GABRA2: variants seen among roughly 807,000 people sequenced by gnomAD.
GABRA2 encodes the protein gamma-aminobutyric acid type A receptor subunit alpha2, also known as gamma-aminobutyric acid receptor subunit alpha-2.
A neutral mutation model predicts 48.7 loss-of-function variants in GABRA2; 16 were observed. The observed-to-expected ratio is 0.33, with a 90% CI of 0.22 to 0.50. The LOEUF is 0.50. GABRA2 is among the 20% of genes least tolerant of loss of function. The probability of loss-of-function intolerance (pLI) is 0.98; values close to 1 mark genes in which losing one functional copy is unlikely to be tolerated. For missense variants in GABRA2, 275 were observed against 535.6 expected (o/e 0.51, Z 4.80); for synonymous variants, 185 against 184.5 (o/e 1.00, Z -0.02).
intron 9 of GABRA2, 31 bp downstream of exon 9, chr4:46,261,895 T>C: frequency 2.6e-6 from 4 of 1,560,148 alleles, no homozygotes; most frequent in Non-Finnish European, 3.5e-6. Context: ...GGTATTTTCT[T>C]AATAATGATA....
At chr4:46,291,216 CTTG>C (rs370019983) in intron 8 of GABRA2, among the ~76,000 whole-genome samples, 176 of 152,156 alleles carry the variant, frequency 1.2e-3, no homozygotes, top group African/African-American at 2.1e-3. Context: ...TGGTTCTAGA[CTTG>C]TTGTTGTTGG....
chr4:46,271,090 T>G (rs1719240141), intron 8 of GABRA2, among the ~76,000 whole-genome samples: 1 of 151,892 alleles, frequency 6.6e-6, no homozygotes. Context: ...AATAAAACCT[T>G]CCTATGTATT....
chr4:46,365,244 A>C (rs1713859264), intron 3 of GABRA2: 1 of 152,146 alleles, frequency 6.6e-6, no homozygotes, highest in Non-Finnish European at 1.5e-5. Flanking sequence ...AAATCCAACT[A>C]TTCCTTCTCA....
intron 8 of GABRA2, among the ~76,000 whole-genome samples, chr4:46,269,644 A>C (rs2109393337): frequency 6.6e-6 from 1 of 152,062 alleles, no homozygotes; most frequent in East Asian, 1.9e-4. Flanking sequence ...ACCTACAGTT[A>C]TCATTTTGGG....
chr4:46,267,899 T>A (rs1292268690), intron 8 of GABRA2, among the ~76,000 whole-genome samples: 1 of 151,916 alleles, frequency 6.6e-6, no homozygotes, highest in Non-Finnish European at 1.5e-5. Context: ...TTTTTCAGAT[T>A]ATGGATGCTG....
chr4:46,345,290 A>T (rs561860754), intron 3 of GABRA2, among the ~76,000 whole-genome samples: 14 of 151,990 alleles, frequency 9.2e-5, no homozygotes, highest in South Asian at 8.3e-4. Context: ...TCTTTATAGC[A>T]GTGTGAAAAT....
intron 5 of GABRA2, among the ~76,000 whole-genome samples, chr4:46,310,751 T>C (rs772160472): frequency 6.6e-6 from 1 of 152,194 alleles, no homozygotes; most frequent in Admixed American, 6.5e-5. Context: ...ATACATATAG[T>C]GCTAGATATA....
At chr4:46,314,285 A>C (rs1316164362) in intron 4 of GABRA2, among the ~76,000 whole-genome samples, 1 of 152,098 alleles carries the variant, frequency 6.6e-6, no homozygotes, top group Non-Finnish European at 1.5e-5. Flanking sequence ...AAAATTAATG[A>C]ATTTTAACAC....
intron 8 of GABRA2, among the ~76,000 whole-genome samples, chr4:46,281,091 A>C (rs888093792): frequency 6.6e-6 from 1 of 152,170 alleles, no homozygotes; most frequent in Non-Finnish European, 1.5e-5. Context: ...ACAGACATGC[A>C]GTAATCCAAA....
At chr4:46,351,072 C>T (rs1156755212) in intron 3 of GABRA2, among the ~76,000 whole-genome samples, 1 of 151,624 alleles carries the variant, frequency 6.6e-6, no homozygotes, top group East Asian at 1.9e-4. Flanking sequence ...CCTTTCCTTT[C>T]TATCACTTCA....
chr4:46,334,376 T>G (rs1223428965), intron 3 of GABRA2, among the ~76,000 whole-genome samples: 1 of 152,162 alleles, frequency 6.6e-6, no homozygotes, highest in Non-Finnish European at 1.5e-5. Context: ...TTTTTTTCCT[T>G]TTACCCACAC....
At chr4:46,258,252 G>T (rs969821929) in intron 9 of GABRA2, among the ~76,000 whole-genome samples, 2 of 151,770 alleles carry the variant, frequency 1.3e-5, no homozygotes, top group Non-Finnish European at 2.9e-5. Flanking sequence ...GAAGTGATGT[G>T]TTAAACAAAA....
chr4:46,244,845 A>T lies in GABRA2; in HGVS notation c.*5463T>A, dbSNP rs1713415899. On this transcript the variant is annotated 3_prime_UTR_variant, in exon 10 of 10. Transcript: ENST00000381620. ...AAGTTAGTAAATAGCTAGCATCACA[A>T]AAACGGGTATTGCTTACTGTACAGT... Among the ~76,000 whole-genome samples the T allele has an allele frequency of 1.3e-5, 2 of 151,390 alleles. No homozygotes were observed. The highest frequency in any genetic ancestry group is 3.0e-5 in the Non-Finnish European group (2 of 67,506).
intron 4 of GABRA2, among the ~76,000 whole-genome samples, chr4:46,331,675 C>T (rs1319594409): frequency 6.6e-6 from 1 of 152,114 alleles, no homozygotes; most frequent in Non-Finnish European, 1.5e-5. Flanking sequence ...TTCCAGCCCA[C>T]CAGTACCTAA....
chr4:46,291,116 T>C (rs1049994462), intron 8 of GABRA2, among the ~76,000 whole-genome samples: 1 of 152,208 alleles, frequency 6.6e-6, no homozygotes, highest in African/African-American at 2.4e-5. Context: ...GGAAGTGTTC[T>C]TTAAACTTCG....
chr4:46,378,863 A>G (rs953071763), intron 3 of GABRA2, among the ~76,000 whole-genome samples: 1 of 151,770 alleles, frequency 6.6e-6, no homozygotes, highest in African/African-American at 2.4e-5. Context: ...TTTCTGGGCC[A>G]TGCACTTTAC....
intron 8 of GABRA2, among the ~76,000 whole-genome samples, chr4:46,268,738 C>T (rs1253669131): frequency 6.6e-6 from 1 of 151,892 alleles, no homozygotes; most frequent in Non-Finnish European, 1.5e-5. Flanking sequence ...ATCTGCACTT[C>T]CATGTTCATT....
chr4:46,277,531 T>C (rs1288910142), intron 8 of GABRA2, among the ~76,000 whole-genome samples: 2 of 152,202 alleles, frequency 1.3e-5, no homozygotes, highest in Non-Finnish European at 2.9e-5. Context: ...ACTTTTCCAA[T>C]TAAAACCGTC....
chr4:46,285,560 A>T (rs935999859), intron 8 of GABRA2, among the ~76,000 whole-genome samples: 1 of 152,016 alleles, frequency 6.6e-6, no homozygotes, highest in African/African-American at 2.4e-5. Context: ...ATTTACCTCA[A>T]TGCAGTATTT....
Sources: gnomAD v4.1 joint callset for allele counts (sites outside exome capture counted in the v4.1 genomes callset) on GRCh38, gnomAD v4.1.1 for gene constraint, MANE v1.5 for transcripts, NCBI Gene and HGNC (gene_info 2026-07-23, HGNC 2026-07-21) for gene names.